Variants in EXPH5 observed in about 807,000 individuals in gnomAD.
EXPH5 encodes exophilin-5.
In EXPH5, 42 loss-of-function variants were observed where a neutral mutation model predicts 41.1. That is an observed-to-expected ratio of 1.02 (90% CI 0.80 to 1.32). EXPH5 has a LOEUF of 1.32. Among genes scored for constraint, EXPH5 ranks in the 40% most tolerant of loss-of-function variants. The probability of loss-of-function intolerance (pLI) is 0.00; values close to 1 mark genes in which losing one functional copy is unlikely to be tolerated. For missense variants in EXPH5, 2,298 were observed against 2,314.5 expected, an observed-to-expected ratio of 0.99 and a Z score of 0.15; for synonymous variants, 798 against 833.5, an observed-to-expected ratio of 0.96 and a Z score of 0.73.
upstream of EXPH5, among the ~76,000 whole-genome samples, chr11:108,597,831 T>TA (rs1171652650): frequency 1.3e-4 from 20 of 152,028 alleles, no homozygotes; most frequent in South Asian, 2.1e-4. Context: ...AGAAATTTGT[T>TA]AAAAAAAACC....
intron 1 of EXPH5, among the ~76,000 whole-genome samples, chr11:108,553,178 G>A (rs955531241): frequency 3.3e-5 from 5 of 152,122 alleles, no homozygotes; most frequent in African/African-American, 7.2e-5. Context: ...CAGCTTGGGC[G>A]ACAGAGTGAG....
upstream of EXPH5, among the ~76,000 whole-genome samples, chr11:108,597,315 A>G (rs1056727680): frequency 4.6e-5 from 7 of 152,180 alleles, no homozygotes; most frequent in Non-Finnish European, 1.0e-4. Flanking sequence ...CTCCTTCCTC[A>G]GCCTCCCAAT....
At chr11:108,583,571 C>T (rs145338592) in intron 1 of EXPH5, among the ~76,000 whole-genome samples, 1 of 151,652 alleles carries the variant, frequency 6.6e-6, no homozygotes, top group East Asian at 1.9e-4. Context: ...CCTGTAATCC[C>T]AACAGTTTGG....
At position 108,541,727 on chromosome 11, in the gene EXPH5, A is replaced by G. The variant is rs1271483927; in HGVS notation, c.205T>C (p.Cys69Arg). The change falls in exon 2 of 6, where the codon TGC becomes CGC. Residue 69 changes from cysteine (C) to arginine (R), a missense_variant. By Grantham distance (180) the Cys-to-Arg change is radical. Coordinates refer to ENST00000265843, the MANE Select transcript of EXPH5 (RefSeq NM_015065.3). ...ATTTGGCTAACATCTGTTTCATTGC[A>G]AAACTTTTTTCTTTGAATTTCTTCA... ...WFEEIQRKKF[C>R]NETDVSQMLK... The G allele has an allele frequency of 9.9e-6, 16 of 1,613,236 alleles. No homozygotes were observed. Among genetic ancestry groups the G allele is most frequent in the Non-Finnish European group, 1.3e-5 (15 of 1,179,516 alleles).
intron 4 of EXPH5, among the ~76,000 whole-genome samples, chr11:108,519,593 C>A (rs1472917204): frequency 6.6e-6 from 1 of 151,784 alleles, no homozygotes; most frequent in Non-Finnish European, 1.5e-5. Context: ...ACTAAAAATA[C>A]AAAAATTAGC....
Position 108,512,815 on chromosome 11 carries a change from G to A in EXPH5, c.2692C>T (p.Pro898Ser), listed in dbSNP as rs1402917537. 2 of 1,614,166 alleles carry A rather than the reference G, an allele frequency of 1.2e-6. No individual in the cohort carries two copies. Among genetic ancestry groups the A allele is most frequent in the Non-Finnish European group, 1.7e-6 (2 of 1,180,020 alleles). ...AACACTGTAGTAGATGGAACCACAG[G>A]AGCATCAAGGGAAGAATTCTTTGAT... is the stretch of plus-strand genomic sequence containing the variant. ...SPSKNSSLDA[P>S]VVPSTTVFSR... Residue 898 changes from proline to serine, a missense_variant, in exon 6 of 6, where the codon CCT (proline) becomes TCT (serine). Coordinates refer to ENST00000265843, the MANE Select transcript of EXPH5 (RefSeq NM_015065.3).
At chr11:108,542,135 CT>C (rs1159198241) in intron 1 of EXPH5, among the ~76,000 whole-genome samples, 1 of 152,194 alleles carries the variant, frequency 6.6e-6, no homozygotes, top group African/African-American at 2.4e-5. Flanking sequence ...ATGCCTCAGC[CT>C]CCCAAAGTGC....
At chr11:108,521,985 T>C (rs1304981920) in intron 4 of EXPH5, among the ~76,000 whole-genome samples, 1 of 152,128 alleles carries the variant, frequency 6.6e-6, no homozygotes, top group Non-Finnish European at 1.5e-5. Flanking sequence ...CCTCTCTAGA[T>C]TGGGAAGAAT....
At position 108,593,423 on chromosome 11, in the gene EXPH5, C is replaced by A; in HGVS notation, c.114G>T (p.Arg38Ser). The change falls in exon 1 of 6, where the codon AGG becomes AGT. Residue 38 changes from arginine (R) to serine (S), a missense_variant. Arg to Ser is a moderately radical substitution (Grantham distance 110, BLOSUM62 -1). Coordinates refer to ENST00000265843, the MANE Select transcript of EXPH5 (RefSeq NM_015065.3). Reference sequence around the variant, plus strand: ...GAAATGAATTTGCTCTGTACCTGATCCTGTCCTTCTCGGCCCTCTGTAACT... The same window carrying A: ...GAAATGAATTTGCTCTGTACCTGATACTGTCCTTCTCGGCCCTCTGTAACT... ...NEELQRAEKD[R>S]ISKLQKTKRD... The A allele has an allele frequency of 1.2e-6, 2 of 1,613,440 alleles. No homozygotes were observed. Among genetic ancestry groups the A allele is most frequent in the Non-Finnish European group, 1.7e-6 (2 of 1,179,294 alleles).
chr11:108,544,674 T>C (rs2093929275), intron 1 of EXPH5, among the ~76,000 whole-genome samples: 1 of 152,160 alleles, frequency 6.6e-6, no homozygotes, highest in African/African-American at 2.4e-5. Context: ...CCCAAGAACA[T>C]TAATTTAACT....
chr11:108,557,376 T>G (rs2093994557), intron 1 of EXPH5, among the ~76,000 whole-genome samples: 1 of 152,180 alleles, frequency 6.6e-6, no homozygotes, highest in Non-Finnish European at 1.5e-5. Flanking sequence ...AAAAGAAGAT[T>G]AACAAGATTA....
At chr11:108,572,083 A>G (rs978741107) in intron 1 of EXPH5, among the ~76,000 whole-genome samples, 1 of 151,334 alleles carries the variant, frequency 6.6e-6, no homozygotes, top group Non-Finnish European at 1.5e-5. Flanking sequence ...ATAACTGCTC[A>G]GTTTGAGCCA....
intron 3 of EXPH5, among the ~76,000 whole-genome samples, chr11:108,529,276 A>G (rs972613995): frequency 6.6e-6 from 1 of 152,202 alleles, no homozygotes; most frequent in Admixed American, 6.5e-5. Flanking sequence ...GCTTTCTCAG[A>G]TTCAACGAGA....
chr11:108,517,114 G>T (rs1218064845), intron 5 of EXPH5, among the ~76,000 whole-genome samples: 1 of 152,136 alleles, frequency 6.6e-6, no homozygotes, highest in East Asian at 1.9e-4. Flanking sequence ...CTACCTAGAG[G>T]TAACCATTCT....
At chr11:108,561,581 G>A (rs1055924633) in intron 1 of EXPH5, among the ~76,000 whole-genome samples, 3 of 152,118 alleles carry the variant, frequency 2.0e-5, no homozygotes, top group African/African-American at 4.8e-5. Context: ...GCTTTGCCTC[G>A]TGGGATCCAA....
chr11:108,537,903 A>T, intron 3 of EXPH5: 2 of 833,178 alleles, frequency 2.4e-6, no homozygotes, highest in Non-Finnish European at 2.9e-6. Context: ...TCAATTTTAA[A>T]TCCCCCAAAT....
In EXPH5 at chr11:108,539,053, A is replaced by T. The variant is rs1417483301; in HGVS notation, c.414T>A (p.Thr138=). Residue 138 remains threonine (T), a synonymous_variant, in exon 3 of 6, where the codon ACT becomes ACA. Transcript: ENST00000265843. Reference sequence around the variant, plus strand: ...TCTGTCCCAGTGATGGAAGCTTTGAAGTCTCCTTTCCAGATTTCCTGAATG... The same window carrying T: ...TCTGTCCCAGTGATGGAAGCTTTGATGTCTCCTTTCCAGATTTCCTGAATG... ...LFSFRKSGKE[T]SKLPSLGQKG... 5 of 1,604,242 alleles carry T rather than the reference A, an allele frequency of 3.1e-6. No individual in the cohort carries two copies. The highest frequency in any genetic ancestry group is 3.4e-6 in the Non-Finnish European group (4 of 1,174,372).
chr11:108,601,567 C>T, the EXPH5 span, among the ~76,000 whole-genome samples: 1 of 152,098 alleles, frequency 6.6e-6, no homozygotes, highest in African/African-American at 2.4e-5. Context: ...TTTTTCCCTT[C>T]AAGGTGTAAT....
At chr11:108,524,363 A>G (rs1361873956) in intron 4 of EXPH5, among the ~76,000 whole-genome samples, 3 of 152,246 alleles carry the variant, frequency 2.0e-5, no homozygotes, top group East Asian at 3.8e-4. Context: ...AATGATGTCT[A>G]GCACTTAGTA....
Sources: allele counts gnomAD v4.1 joint callset (sites outside exome capture counted in the v4.1 genomes callset), GRCh38; gene constraint gnomAD v4.1.1; transcripts MANE v1.5; gene names NCBI Gene and HGNC (gene_info 2026-07-23, HGNC 2026-07-21).